The following PKHD1L1 variants were observed in gnomAD, a reference collection of about 807,000 sequenced individuals.
PKHD1L1 encodes PKHD1 like 1, also known as fibrocystin-L.
Under a neutral mutation model 462.9 loss-of-function variants are expected in PKHD1L1, and 434 were observed. The observed-to-expected ratio is 0.94, with a 90% CI of 0.87 to 1.02. The LOEUF is 1.02. Ranked by LOEUF, PKHD1L1 falls within the 50% of genes least tolerant of loss-of-function variation. The pLI is 0.00. For missense variants in PKHD1L1, 5,202 were observed against 5,096.1 expected, an observed-to-expected ratio of 1.02 and a Z score of -0.63; for synonymous variants, 1,781 against 1,750.0, an observed-to-expected ratio of 1.02 and a Z score of -0.44.
intron 2 of PKHD1L1, among the ~76,000 whole-genome samples, chr8:109,372,529 T>C (rs1182713577): frequency 6.6e-6 from 1 of 152,210 alleles, no homozygotes; most frequent in East Asian, 1.9e-4. Context: ...TGGCCAGAAC[T>C]TCCAACACTA....
rs915340215 is a variant in PKHD1L1, at chr8:109,498,739, A to G, written c.10796A>G (p.Tyr3599Cys). The G allele has an allele frequency of 6.2e-7, 1 of 1,613,902 alleles. No homozygotes were observed. The highest frequency in any genetic ancestry group is 1.7e-5 in the Admixed American group (1 of 60,024). ...PRKPHAGIMS[Y>C]NAISGLLDIS... ...AAGCCCCATGCAGGAATCATGAGTT[A>G]CAATGCCATCAGTGGCCTTTTGGAC... Residue 3599 changes from tyrosine to cysteine, a missense_variant, in exon 67 of 78, where the codon TAC becomes TGC. By Grantham distance (194) the Tyr-to-Cys change is radical. This residue lies in a region of PKHD1L1 where 4,497 missense variants were observed against 4,336.8 expected (regional missense o/e 1.04). Coordinates refer to ENST00000378402, the MANE Select transcript of PKHD1L1 (RefSeq NM_177531.6).
chr8:109,508,159 A>G lies in PKHD1L1; in HGVS notation c.11290A>G (p.Met3764Val), dbSNP rs200610519. The G allele has an allele frequency of 2.0e-4, 316 of 1,612,906 alleles. No individual in the cohort carries two copies. Among genetic ancestry groups the G allele is most frequent in the Non-Finnish European group, 2.5e-4 (298 of 1,179,260 alleles). The change falls in exon 70 of 78, where the codon ATG becomes GTG. Residue 3764 changes from methionine (M) to valine (V), a missense_variant. Physicochemically the swap from Met to Val is conservative, Grantham distance 21. This residue lies in a region of PKHD1L1 where 698 missense variants were observed against 736.3 expected (regional missense o/e 0.95). Coordinates refer to ENST00000378402, the MANE Select transcript of PKHD1L1 (RefSeq NM_177531.6). ...GTGGCAGAGCTATCAGTGCTTTGGG[A>G]TGGAATATGCAATGATGGTTATTGA... is the stretch of plus-strand genomic sequence containing the variant. ...PEWQSYQCFG[M>V]EYAMMVIESL...
rs1018572678 is a variant in PKHD1L1, at chr8:109,445,353, C to T, written c.5484C>T (p.Val1828=). ...GCTTGGCTCTGGGAAACCTGACTGTCAGCAGCCCCCCAGTAGCATCTCTAT... is the reference window on the plus strand; with the variant it reads ...GCTTGGCTCTGGGAAACCTGACTGTTAGCAGCCCCCCAGTAGCATCTCTAT... ...SKGLALGNLT[V]SSPPVASLSP... The change falls in exon 38 of 78, where the codon GTC becomes GTT. Residue 1828 remains valine, a synonymous_variant. Transcript: ENST00000378402. 2 of 1,613,842 alleles carry T rather than the reference C, an allele frequency of 1.2e-6. No homozygotes were observed. The highest frequency in any genetic ancestry group is 2.7e-5 in the African/African-American group (2 of 74,920).
intron 8 of PKHD1L1, 136 bp from the exon 9 acceptor site, chr8:109,390,316 T>C: frequency 2.2e-6 from 1 of 445,052 alleles, no homozygotes; most frequent in East Asian, 3.5e-5. Context: ...ATTTCTTTGA[T>C]GATGAATATA....
chr8:109,506,717 G>A (rs962637736), intron 68 of PKHD1L1, among the ~76,000 whole-genome samples: 1 of 152,052 alleles, frequency 6.6e-6, no homozygotes, highest in Admixed American at 6.6e-5. Context: ...TATTATGTAA[G>A]GAATAACTTG....
chr8:109,374,484 C>G (rs1811698907), intron 2 of PKHD1L1, among the ~76,000 whole-genome samples: 1 of 152,300 alleles, frequency 6.6e-6, no homozygotes, highest in African/African-American at 2.4e-5. Flanking sequence ...TTAATTGGAG[C>G]ATTTAGCCAA....
chr8:109,529,306 T>C (rs1322437666), intron 77 of PKHD1L1, among the ~76,000 whole-genome samples: 1 of 152,220 alleles, frequency 6.6e-6, no homozygotes, highest in Admixed American at 6.5e-5. Context: ...TGGCCTCTTA[T>C]AGCTGAATAT....
At chr8:109,473,853 G>C (rs931753496) in intron 50 of PKHD1L1, among the ~76,000 whole-genome samples, 2 of 152,150 alleles carry the variant, frequency 1.3e-5, no homozygotes, top group Non-Finnish European at 2.9e-5. Context: ...AGGGAGAGCA[G>C]TTACCTGGAG....
At chr8:109,427,552 C>G (rs1814832294) in intron 25 of PKHD1L1, among the ~76,000 whole-genome samples, 1 of 152,032 alleles carries the variant, frequency 6.6e-6, no homozygotes, top group Non-Finnish European at 1.5e-5. Context: ...ATTTTGGGGC[C>G]TTGGATACTT....
At position 109,404,473 on chromosome 8, in the gene PKHD1L1, A is replaced by G. The variant is rs141386724; in HGVS notation, c.1374-81A>G. The G allele has an allele frequency of 7.3e-3, 5,717 of 786,468 alleles. 35 individuals are homozygous for G. The highest frequency in any genetic ancestry group is 0.038 in the Middle Eastern group (93 of 2,422). The allele number at this position is 786,468 out of a possible 1,614,324, so 48.7% of individuals were successfully genotyped here. A position where few individuals can be genotyped will look rare whatever the true frequency, so the allele number is the denominator to read the frequency against. ...TTAACAGGCAGGCTTTTAAGATAATATTGATATTTTATTCATTAAAATAAT... is the reference window on the plus strand; with the variant it reads ...TTAACAGGCAGGCTTTTAAGATAATGTTGATATTTTATTCATTAAAATAAT... On this transcript the variant is annotated intron_variant, in intron 14 of 77. Coordinates refer to ENST00000378402, the MANE Select transcript of PKHD1L1 (RefSeq NM_177531.6).
At chr8:109,491,323 G>T (rs1272247104) in intron 61 of PKHD1L1, among the ~76,000 whole-genome samples, 1 of 151,544 alleles carries the variant, frequency 6.6e-6, no homozygotes, top group African/African-American at 2.4e-5. Flanking sequence ...TAATTTTAAT[G>T]GTACATAATT....
chr8:109,365,129 TC>T (rs2130292307), intron 2 of PKHD1L1, among the ~76,000 whole-genome samples: 1 of 152,288 alleles, frequency 6.6e-6, no homozygotes, highest in Non-Finnish European at 1.5e-5. Context: ...CGTACATGGT[TC>T]CCCTTCTCCT....
At chr8:109,423,664 T>C (rs1024772966) in intron 23 of PKHD1L1, among the ~76,000 whole-genome samples, 1 of 152,226 alleles carries the variant, frequency 6.6e-6, no homozygotes, top group Non-Finnish European at 1.5e-5. Flanking sequence ...CAAAAAAACC[T>C]TGCTGGTATT....
At position 109,408,284 on chromosome 8, in the gene PKHD1L1, G is replaced by A. The variant is rs1813666607; in HGVS notation, c.1971+78G>A. On this transcript the variant is annotated intron_variant, in intron 18 of 77. Coordinates refer to ENST00000378402, the MANE Select transcript of PKHD1L1 (RefSeq NM_177531.6). ...ATTCATGGGCCATTTGTAGACAGAT[G>A]GGAAAGAGATGTTACTTCAAAAAAA... 4.6e-6 allele frequency: 6 copies of A among 1,309,102 alleles called. No individual in the cohort carries two copies. The South Asian group carries it at 7.5e-5, about 16-fold the overall frequency. The allele number at this position is 1,309,102 out of a possible 1,614,324, so 81.1% of individuals were successfully genotyped here.
At chr8:109,479,724 C>G in intron 54 of PKHD1L1, 85 bp downstream of exon 54, 1 of 1,005,948 alleles carries the variant, frequency 9.9e-7, no homozygotes, top group Non-Finnish European at 1.5e-6. Context: ...GTTTTATCAG[C>G]ACACCTTTCC....
chr8:109,470,543 C>G (rs1817665158), intron 50 of PKHD1L1: 11 of 1,609,630 alleles, frequency 6.8e-6, no homozygotes, highest in African/African-American at 1.3e-5. Context: ...GATTTTGATT[C>G]CTTTATTGCA....
At chr8:109,505,317 G>A (rs1319784351) in intron 68 of PKHD1L1, among the ~76,000 whole-genome samples, 2 of 151,996 alleles carry the variant, frequency 1.3e-5, no homozygotes, top group African/African-American at 2.4e-5. Flanking sequence ...CCCCAAATGT[G>A]CTTGGAAATT....
intron 2 of PKHD1L1, among the ~76,000 whole-genome samples, chr8:109,374,918 C>G (rs1466182869): frequency 6.6e-6 from 1 of 152,234 alleles, no homozygotes; most frequent in Admixed American, 6.5e-5. Context: ...ATCTTTCTCT[C>G]TAGCTGCCCT....
intron 2 of PKHD1L1, among the ~76,000 whole-genome samples, chr8:109,373,663 C>A (rs1179040685): frequency 6.6e-6 from 1 of 152,330 alleles, no homozygotes; most frequent in Non-Finnish European, 1.5e-5. Flanking sequence ...TTTCCCTCTA[C>A]ACACTGCTTT....
Sources: gnomAD v4.1 joint callset for allele counts (sites outside exome capture counted in the v4.1 genomes callset) on GRCh38, gnomAD v4.1.1 for gene constraint, gnomAD v4.1.1 regional missense constraint, MANE v1.5 for transcripts, NCBI Gene and HGNC (gene_info 2026-07-23, HGNC 2026-07-21) for gene names.